SASH1: variants seen among roughly 807,000 people sequenced by gnomAD.
SASH1 encodes the protein SAM and SH3 domain-containing protein 1.
SASH1 carries 44 observed loss-of-function variants against 125.2 expected under a neutral mutation model. The ratio of observed to expected loss-of-function variants is 0.35; its 90% confidence interval spans 0.28 to 0.45. The LOEUF (loss-of-function observed/expected upper bound fraction) is 0.45, where lower values mean the gene tolerates loss of function less well. Ranked by LOEUF, SASH1 falls within the 20% of genes least tolerant of loss-of-function variation. The pLI, the probability that SASH1 is intolerant of heterozygous loss-of-function variation, is 1.00. For synonymous variants in SASH1, 639 were observed against 649.1 expected, an observed-to-expected ratio of 0.98 and a Z score of 0.24; for missense variants, 1,426 against 1,614.5, an observed-to-expected ratio of 0.88 and a Z score of 2.00.
chr6:148,411,122 G>GCACTCCA (rs1300539144), intron 2 of SASH1, among the ~76,000 whole-genome samples: 1 of 120,938 alleles, frequency 8.3e-6, no homozygotes, highest in Non-Finnish European at 1.6e-5. Flanking sequence ...TCGTGCCACT[G>GCACTCCA]CACTCCAGCC....
chr6:148,272,368 A>G (rs1231386994), exon 1 of SASH1: 5 of 470,960 alleles, frequency 1.1e-5, no homozygotes, highest in South Asian at 7.8e-5. Context: ...TGGAGGAACA[A>G]GATTGCAGGG....
chr6:148,273,342 G>A (rs1298530424), intron 1 of SASH1, among the ~76,000 whole-genome samples: 1 of 141,358 alleles, frequency 7.1e-6, no homozygotes, highest in African/African-American at 2.7e-5. Flanking sequence ...CATCCAGGCT[G>A]GAGTGCTGTG....
chr6:148,198,461 G>A, the SASH1 span, among the ~76,000 whole-genome samples: 3 of 152,290 alleles, frequency 2.0e-5, no homozygotes, highest in Non-Finnish European at 2.9e-5. Context: ...TGGCTACTTG[G>A]CAGCATACTT....
At chr6:148,433,375 A>G (rs1212841217) in intron 2 of SASH1, among the ~76,000 whole-genome samples, 2 of 151,856 alleles carry the variant, frequency 1.3e-5, no homozygotes, top group African/African-American at 4.8e-5. Flanking sequence ...TAACTAGAGA[A>G]ATAAAGTATT....
At chr6:148,406,518 A>C (rs533373844) in intron 2 of SASH1, among the ~76,000 whole-genome samples, 2 of 152,204 alleles carry the variant, frequency 1.3e-5, no homozygotes, top group African/African-American at 4.8e-5. Context: ...ACATATGCCT[A>C]TCACCTTCTA....
At chr6:148,301,982 T>A (rs1779960764) in intron 1 of SASH1, among the ~76,000 whole-genome samples, 1 of 151,940 alleles carries the variant, frequency 6.6e-6, no homozygotes, top group Non-Finnish European at 1.5e-5. Context: ...ATGTTATTTC[T>A]TATTTAATCA....
rs1782090206 is a variant in SASH1, at chr6:148,539,562, C to G, written c.2096-881C>G. Among the ~76,000 whole-genome samples the G allele has an allele frequency of 2.0e-5, 3 of 152,146 alleles. No homozygotes were observed. The South Asian group carries it at 6.2e-4, about 32-fold the overall frequency. On this transcript the variant is annotated intron_variant, in intron 16 of 19. Transcript: ENST00000367467. ...TTCCTTTTCATGGCCAAGTAGTACT[C>G]CATGGTGTATAGGTACTGCATTTTC...
chr6:148,546,095 C>T lies in SASH1; in HGVS notation c.3429C>T (p.Ala1143=). Residue 1143 remains alanine, a synonymous_variant, in exon 19 of 20, where the codon GCC becomes GCT. Transcript: ENST00000367467. ...ATCAGCCCGAGCGGGACGTCGCCGC[C>T]AACATGGACCAGATCCGGGTGAAGC... ...DLDQPERDVA[A]NMDQIRVKQL... is the part of the protein sequence containing the mutation. The T allele has an allele frequency of 5.0e-6, 8 of 1,614,226 alleles. No individual in the cohort carries two copies. The highest frequency in any genetic ancestry group is 5.1e-6 in the Non-Finnish European group (6 of 1,180,042).
At chr6:148,378,756 A>T (rs1198555339) in intron 1 of SASH1, among the ~76,000 whole-genome samples, 1 of 152,142 alleles carries the variant, frequency 6.6e-6, no homozygotes, top group Non-Finnish European at 1.5e-5. Context: ...GTGGGTTTAG[A>T]TCTTGTCTTC....
At chr6:148,494,936 T>C (rs1026334986) in intron 8 of SASH1, among the ~76,000 whole-genome samples, 3 of 152,234 alleles carry the variant, frequency 2.0e-5, no homozygotes, top group Non-Finnish European at 2.9e-5. Flanking sequence ...TAAATCTTTT[T>C]GGGACTTTCT....
chr6:148,317,676 C>T (rs1395359388), intron 1 of SASH1, among the ~76,000 whole-genome samples: 5 of 152,272 alleles, frequency 3.3e-5, no homozygotes, highest in Non-Finnish European at 7.4e-5. Context: ...CCGCCTGCCT[C>T]GGCCTCCCAA....
At chr6:148,448,115 A>AGTGTGTGT (rs34309514) in intron 4 of SASH1, among the ~76,000 whole-genome samples, 147 of 146,918 alleles carry the variant, frequency 1.0e-3, no homozygotes, top group African/African-American at 3.6e-3. Context: ...CAGTGGAGAG[A>AGTGTGTGT]GTGTGTGTGT....
intron 4 of SASH1, among the ~76,000 whole-genome samples, chr6:148,462,041 A>T (rs1048110921): frequency 1.3e-5 from 2 of 151,268 alleles, no homozygotes; most frequent in Non-Finnish European, 1.5e-5. Context: ...TTTTTTTTTT[A>T]AATGGTGGAG....
the SASH1 span, among the ~76,000 whole-genome samples, chr6:148,229,142 A>AAAAC: frequency 6.8e-5 from 8 of 117,484 alleles, no homozygotes; most frequent in African/African-American, 2.4e-4. Flanking sequence ...TCAAAAAAAA[A>AAAAC]AAAAAAAAAA....
chr6:148,327,939 T>TC (rs1554235653), intron 1 of SASH1, among the ~76,000 whole-genome samples: 8,486 of 120,592 alleles, frequency 0.07, 343 homozygotes, highest in East Asian at 0.29. Flanking sequence ...AGACTCTGTC[T>TC]AAAAAAAAAA....
intron 4 of SASH1, among the ~76,000 whole-genome samples, chr6:148,465,617 T>C (rs1777798569): frequency 6.6e-6 from 1 of 151,308 alleles, no homozygotes; most frequent in Non-Finnish European, 1.5e-5. Flanking sequence ...GGGCTCCCTG[T>C]CCCTCTGGTG....
the SASH1 span, among the ~76,000 whole-genome samples, chr6:148,219,453 C>A: frequency 6.6e-6 from 1 of 152,164 alleles, no homozygotes; most frequent in African/African-American, 2.4e-5. Context: ...TCTTCTGACG[C>A]TATGATGATT....
rs556031590 is a variant in SASH1 at position 148,328,671 on chromosome 6, C to T, written n.74+56294C>T. Among the ~76,000 whole-genome samples, 3 of 151,978 alleles carry T rather than the reference C, an allele frequency of 2.0e-5. No homozygotes were observed. In the East Asian group the frequency reaches 5.8e-4, roughly 29 times the overall value. Reference sequence around the variant, plus strand: ...TTGCTCCTGCTCCCATTTCTCAGCACAGAAGTAAAACTTACCCAGCCTGGG... The same window carrying T: ...TTGCTCCTGCTCCCATTTCTCAGCATAGAAGTAAAACTTACCCAGCCTGGG... On this transcript the variant is annotated intron_variant and non_coding_transcript_variant, in intron 1 of 3. Coordinates refer to the SASH1 transcript ENST00000367469.
chr6:148,289,305 A>T (rs1779563445), intron 1 of SASH1, among the ~76,000 whole-genome samples: 1 of 152,196 alleles, frequency 6.6e-6, no homozygotes, highest in Admixed American at 6.5e-5. Context: ...GTGTTGACTC[A>T]GGGCAGGGCG....
Sources: allele counts gnomAD v4.1 joint callset (sites outside exome capture counted in the v4.1 genomes callset), GRCh38; gene constraint gnomAD v4.1.1; transcripts MANE v1.5; gene names NCBI Gene and HGNC (gene_info 2026-07-23, HGNC 2026-07-21).